ESPL1: variants seen among roughly 807,000 people sequenced by gnomAD.
ESPL1 encodes the protein separin.
Under a neutral mutation model 217.2 loss-of-function variants are expected in ESPL1, and 50 were observed. The observed-to-expected ratio is 0.23, with a 90% CI of 0.18 to 0.29. The LOEUF is 0.29. ESPL1 is among the 10% of genes least tolerant of loss of function. The pLI, the probability that ESPL1 is intolerant of heterozygous loss-of-function variation, is 1.00. For synonymous variants in ESPL1, 994 were observed against 1,081.3 expected, an observed-to-expected ratio of 0.92 and a Z score of 1.58; for missense variants, 1,834 against 2,603.0, an observed-to-expected ratio of 0.70 and a Z score of 6.43.
Position 53,270,810 on chromosome 12 carries a change from G to C in ESPL1, c.1369+12G>C. 6.2e-7 allele frequency: 1 copy of C among 1,613,940 alleles called. No homozygotes were observed. The highest frequency in any genetic ancestry group is 2.2e-5 in the East Asian group (1 of 44,886). On this transcript the variant is annotated intron_variant, in intron 5 of 30. Transcript: ENST00000257934. Reference sequence around the variant, plus strand: ...CATGGGGATGACCGGTTAGTGCCCTGGGTCCCAGGCACAGAGTTTGTGGGA... The same window carrying C: ...CATGGGGATGACCGGTTAGTGCCCTCGGTCCCAGGCACAGAGTTTGTGGGA...
At position 53,278,212 on chromosome 12, in the gene ESPL1, G is replaced by A. The variant is rs561420586; in HGVS notation, c.2364+252G>A. 3.3e-5 allele frequency among the ~76,000 whole-genome samples: 5 copies of A among 152,276 alleles called. No homozygotes were observed. The South Asian group carries it at 6.2e-4, about 19-fold the overall frequency. ...AGGGGCCATGCTACTGCCTCGTGGC[G>A]TTATTATTCAGTGCAGCAGTGCATG... On this transcript the variant is annotated intron_variant, in intron 11 of 30. Transcript: ENST00000257934.
In ESPL1 at chr12:53,282,519, G is replaced by A. The variant is rs909801395; in HGVS notation, c.2791+84G>A. On this transcript the variant is annotated intron_variant, in intron 14 of 30. Transcript: ENST00000257934. This position sits in a 1 kb window ranked among gnomAD's most constrained non-coding sequence, Gnocchi z 4.0. Reference sequence around the variant, plus strand: ...GCTCTTCTCAAACCTCATCCCCTCTGCTGGCTAACTATGTGGCCCAGCCTA... The same window carrying A: ...GCTCTTCTCAAACCTCATCCCCTCTACTGGCTAACTATGTGGCCCAGCCTA... 7.7e-7 allele frequency: 1 copy of A among 1,306,746 alleles called. No individual in the cohort carries two copies. The highest frequency in any genetic ancestry group is 1.1e-6 in the Non-Finnish European group (1 of 928,480). 80.9% of individuals were successfully genotyped at this position (1,306,746 alleles called of 1,614,324 possible). A position where few individuals can be genotyped will look rare whatever the true frequency, so the allele number is the denominator to read the frequency against.
chr12:53,287,510 G>A (rs140347164), intron 18 of ESPL1: 1,658 of 154,368 alleles, frequency 0.011, 26 homozygotes, highest in African/African-American at 0.038. Context: ...GATTACAGGC[G>A]GGTGCCACCA....
At chr12:53,274,711 C>A (rs1250745002) in intron 6 of ESPL1, 106 bp from the exon 7 acceptor site, 1 of 917,698 alleles carries the variant, frequency 1.1e-6, no homozygotes, top group Non-Finnish European at 1.7e-6. Context: ...CACCTGCCAA[C>A]CCCGCCCCCT....
Position 53,293,533 on chromosome 12 carries a change from A to G in ESPL1, c.*59A>G. On this transcript the variant is annotated 3_prime_UTR_variant, in exon 31 of 31. Transcript: ENST00000257934. The surrounding 1 kb of genome is among the most constrained non-coding windows in gnomAD (Gnocchi z 4.2). Reference sequence around the variant, plus strand: ...TCATAACTGTTCTACCTCCAAGGTTAGATTTAATCCTTAGGATAACTCTTT... The same window carrying G: ...TCATAACTGTTCTACCTCCAAGGTTGGATTTAATCCTTAGGATAACTCTTT... 7.9e-7 allele frequency: 1 copy of G among 1,268,968 alleles called. No homozygotes were observed. The highest frequency in any genetic ancestry group is 1.1e-6 in the Non-Finnish European group (1 of 872,032). The allele number at this position is 1,268,968 out of a possible 1,614,324, so 78.6% of individuals were successfully genotyped here. A position where few individuals can be genotyped will look rare whatever the true frequency, so the allele number is the denominator to read the frequency against.
chr12:53,288,749 A>G lies in ESPL1; in HGVS notation c.4708+50A>G, dbSNP rs553025055. 1.3e-5 allele frequency: 20 copies of G among 1,528,430 alleles called. No individual in the cohort carries two copies. In the South Asian group the frequency reaches 2.5e-4, roughly 19 times the overall value. The allele number at this position is 1,528,430 out of a possible 1,614,324, so 94.7% of individuals were successfully genotyped here. A position where few individuals can be genotyped will look rare whatever the true frequency, so the allele number is the denominator to read the frequency against. ...GTCACTTGGAGAGGGCTGAGCCTCTAGGGCTTTTGACCCCTCTGTCTTTCC... is the reference window on the plus strand; with the variant it reads ...GTCACTTGGAGAGGGCTGAGCCTCTGGGGCTTTTGACCCCTCTGTCTTTCC... On this transcript the variant is annotated intron_variant, in intron 20 of 30. Coordinates refer to ENST00000257934, the MANE Select transcript of ESPL1 (RefSeq NM_012291.5).
intron 6 of ESPL1, chr12:53,274,580 T>C: frequency 2.3e-6 from 1 of 431,040 alleles, no homozygotes. Context: ...GAGAAGCAGG[T>C]TTTCAAGGGT....
rs1290417289 is a variant in ESPL1, at chr12:53,269,854, G to A, written c.912G>A (p.Gly304=). The A allele has an allele frequency of 6.2e-7, 1 of 1,614,210 alleles. No homozygotes were observed. Among genetic ancestry groups the A allele is most frequent in the Non-Finnish European group, 8.5e-7 (1 of 1,180,044 alleles). Residue 304 remains glycine, a synonymous_variant, in exon 3 of 31, where the codon GGG becomes GGA. Coordinates refer to ENST00000257934, the MANE Select transcript of ESPL1 (RefSeq NM_012291.5). The surrounding 1 kb of genome is among the most constrained non-coding windows in gnomAD (Gnocchi z 6.7). The stretch of plus-strand genomic sequence containing the variant: ...TGGGGGTTAAGCTGCTGCAGGTTGG[G>A]GAGGAAGGACCTCAGGCAGTGGCCA... The part of the protein sequence containing the change: ...CQLGVKLLQV[G]EEGPQAVAKL...
rs769308952 is a variant in ESPL1 at position 53,286,183 on chromosome 12, G to C, written c.3447G>C (p.Ser1149=). Residue 1149 remains serine, a synonymous_variant, in exon 18 of 31, where the codon TCG becomes TCC. Transcript: ENST00000257934. The surrounding 1 kb of genome is among the most constrained non-coding windows in gnomAD (Gnocchi z 5.3). ...CCCATTCACCCACCTGTGACTGCTC[G>C]CTCTGCGCCAGCCCTGTCCTCACAG... The part of the protein sequence containing the change: ...FLSHSPTCDC[S]LCASPVLTAV... The C allele has an allele frequency of 6.2e-6, 10 of 1,614,226 alleles. No homozygotes were observed. Among genetic ancestry groups the C allele is most frequent in the South Asian group, 1.1e-5 (1 of 91,092 alleles).
At chr12:53,285,871 T>C in intron 17 of ESPL1, 53 bp from the exon 18 acceptor site, 3 of 1,484,116 alleles carry the variant, frequency 2.0e-6, no homozygotes, top group Non-Finnish European at 2.7e-6. Context: ...GCTCAGGAAG[T>C]GCTTGATGCC....
chr12:53,269,935 C>T lies in ESPL1; in HGVS notation c.993C>T (p.Pro331=). The change falls in exon 3 of 31, where the codon CCC becomes CCT. Residue 331 remains proline (P), a synonymous_variant. Transcript: ENST00000257934. This position sits in a 1 kb window ranked among gnomAD's most constrained non-coding sequence, Gnocchi z 6.7. Reference sequence around the variant, plus strand: ...GCAAGAGTATGGAGGCACCATCACCCCCACTTCGGGCATTGTATGAGAGCT... The same window carrying T: ...GCAAGAGTATGGAGGCACCATCACCTCCACTTCGGGCATTGTATGAGAGCT... ...VLSKSMEAPS[P]PLRALYESCQ... 1 of 1,614,190 alleles carries T rather than the reference C, an allele frequency of 6.2e-7. No homozygotes were observed. Among genetic ancestry groups the T allele is most frequent in the South Asian group, 1.1e-5 (1 of 91,084 alleles).
chr12:53,287,786 C>G (rs1442113028), intron 18 of ESPL1, 186 bp from the exon 19 acceptor site: 1 of 540,092 alleles, frequency 1.9e-6, no homozygotes, highest in African/African-American at 1.9e-5. Flanking sequence ...TTTTCTCCCT[C>G]CTTCCACACC....
Position 53,286,892 on chromosome 12 carries a change from A to G in ESPL1, c.4156A>G (p.Arg1386Gly). The G allele has an allele frequency of 6.2e-7, 1 of 1,606,910 alleles. No individual in the cohort carries two copies. The part of the protein sequence containing the change: ...EVPQAPRVQQ[R>G]VQTRLKVNFS... ...ACCCCAGGCCCCCAGGGTACAACAG[A>G]GAGTCCAGACGCGCCTCAAGGTGAG... Residue 1386 changes from arginine to glycine, a missense_variant, in exon 18 of 31, where the codon AGA (arginine) becomes GGA (glycine). By Grantham distance (125) the Arg-to-Gly change is moderately radical. Coordinates refer to ENST00000257934, the MANE Select transcript of ESPL1 (RefSeq NM_012291.5). This position sits in a 1 kb window ranked among gnomAD's most constrained non-coding sequence, Gnocchi z 5.3.
At position 53,290,891 on chromosome 12, in the gene ESPL1, G is replaced by A. The variant is rs753452566; in HGVS notation, c.5415G>A (p.Leu1805=). 1.2e-6 allele frequency: 2 copies of A among 1,608,660 alleles called. No individual in the cohort carries two copies. Among genetic ancestry groups the A allele is most frequent in the East Asian group, 2.2e-5 (1 of 44,766 alleles). ...CTGTGCTGGGCTGCTGGAAGGGGCT[G>A]CTGCTGCCGTCCAGTGAGGAGCCCG... ...EKSVLGCWKG[L]LLPSSEEPGP... is the part of the protein sequence containing the mutation. The change falls in exon 25 of 31, where the codon CTG becomes CTA. Residue 1805 remains leucine (L), a synonymous_variant. Transcript: ENST00000257934.
chr12:53,275,003 C>G lies in ESPL1; in HGVS notation c.1693C>G (p.Gln565Glu). The change falls in exon 7 of 31, where the codon CAG becomes GAG. Residue 565 changes from glutamine to glutamate, a missense_variant. Coordinates refer to ENST00000257934, the MANE Select transcript of ESPL1 (RefSeq NM_012291.5). ...DAARAGDKEL[Q>E]LKTLRDSLSG... ...GGCCAGGGCTGGAGACAAGGAGCTA[C>G]AGCTAAAGTGAGTTGAGGGCCAGAC... 1 of 1,534,770 alleles carries G rather than the reference C, an allele frequency of 6.5e-7. No homozygotes were observed. Among genetic ancestry groups the G allele is most frequent in the Non-Finnish European group, 8.7e-7 (1 of 1,143,676 alleles).
In ESPL1 at chr12:53,286,318, C is replaced by A. The variant is rs61740151; in HGVS notation, c.3582C>A (p.Ala1194=). The stretch of plus-strand genomic sequence containing the variant: ...TCGTGCTGAAGGGCTGTCCTGAAGC[C>A]GCTGAGCGCCTCACCCAAGCTCTCC... The part of the protein sequence containing the change: ...LQVVLKGCPE[A]AERLTQALQA... The change falls in exon 18 of 31, where the codon GCC becomes GCA. Residue 1194 remains alanine (A), a synonymous_variant. Transcript: ENST00000257934. This position sits in a 1 kb window ranked among gnomAD's most constrained non-coding sequence, Gnocchi z 5.3. 6.2e-7 allele frequency: 1 copy of A among 1,614,182 alleles called. No homozygotes were observed. Among genetic ancestry groups the A allele is most frequent in the African/African-American group, 1.3e-5 (1 of 75,052 alleles).
At position 53,274,945 on chromosome 12, in the gene ESPL1, A is replaced by C; in HGVS notation, c.1635A>C (p.Pro545=). The change falls in exon 7 of 31, where the codon CCA becomes CCC. Residue 545 remains proline, a synonymous_variant. Coordinates refer to ENST00000257934, the MANE Select transcript of ESPL1 (RefSeq NM_012291.5). ...QPCSPEHMAE[P]VTFWVRVKMD... Reference sequence around the variant, plus strand: ...GTAGCCCTGAACACATGGCTGAGCCAGTCACTTTCTGGGTTCGGGTCAAGA... The same window carrying C: ...GTAGCCCTGAACACATGGCTGAGCCCGTCACTTTCTGGGTTCGGGTCAAGA... 2 of 1,596,396 alleles carry C rather than the reference A, an allele frequency of 1.3e-6. No individual in the cohort carries two copies. Among genetic ancestry groups the C allele is most frequent in the Non-Finnish European group, 1.7e-6 (2 of 1,171,996 alleles).
rs1166362574 is a variant in ESPL1, at chr12:53,288,339, C to T, written c.4544C>T (p.Ser1515Leu). Residue 1515 changes from serine to leucine, a missense_variant and splice_region_variant, in exon 19 of 31, where the codon TCA (serine) becomes TTA (leucine). This residue lies in a region of ESPL1 where 681 missense variants were observed against 808.0 expected (regional missense o/e 0.84). Coordinates refer to ENST00000257934, the MANE Select transcript of ESPL1 (RefSeq NM_012291.5). The stretch of plus-strand genomic sequence containing the variant: ...GGCTCTGACGGGGAAGACTCAGCCT[C>T]AGGTAGGACAGCAAGGGTGAGGTGG... ...LRGSDGEDSA[S>L]GGKTPAPGPE... The T allele has an allele frequency of 6.3e-7, 1 of 1,593,330 alleles. No homozygotes were observed. The highest frequency in any genetic ancestry group is 8.5e-7 in the Non-Finnish European group (1 of 1,170,200).
In ESPL1 at chr12:53,276,652, C is replaced by T. The variant is rs149272357; in HGVS notation, c.1733C>T (p.Pro578Leu). 3.2e-5 allele frequency: 51 copies of T among 1,612,410 alleles called. No individual in the cohort carries two copies. Among genetic ancestry groups the T allele is most frequent in the Non-Finnish European group, 3.9e-5 (46 of 1,179,758 alleles). Residue 578 changes from proline to leucine, a missense_variant, in exon 8 of 31, where the codon CCG becomes CTG. By Grantham distance (98) the Pro-to-Leu change is moderately conservative. Coordinates refer to ENST00000257934, the MANE Select transcript of ESPL1 (RefSeq NM_012291.5). ...CGAGACAGCCTCAGTGGCTGGGACC[C>T]GGAGACCCTGGCCCTCCTGCTGAGG... Reference protein sequence around the residue: ...TLRDSLSGWDPETLALLLREE... With the variant: ...TLRDSLSGWDLETLALLLREE...
Sources: gnomAD v4.1 joint callset for allele counts (sites outside exome capture counted in the v4.1 genomes callset) on GRCh38, gnomAD v4.1.1 for gene constraint, gnomAD v4.1.1 regional missense constraint, Gnocchi (gnomAD v3.1) non-coding constraint, MANE v1.5 for transcripts, NCBI Gene and HGNC (gene_info 2026-07-23, HGNC 2026-07-21) for gene names.